Variants in PACRG observed in about 807,000 individuals in gnomAD.
The protein encoded by PACRG is parkin coregulated gene protein.
Under a neutral mutation model 29.7 loss-of-function variants are expected in PACRG, and 29 were observed. The observed-to-expected ratio is 0.98, with a 90% CI of 0.73 to 1.33. The LOEUF (loss-of-function observed/expected upper bound fraction) is 1.33. Among genes scored for constraint, PACRG ranks in the 40% most tolerant of loss-of-function variants. The pLI, the probability that PACRG is intolerant of heterozygous loss-of-function variation, is 0.00. For missense variants in PACRG, 279 were observed against 316.2 expected (o/e 0.88, Z 0.89); for synonymous variants, 116 against 118.7 (o/e 0.98, Z 0.15).
chr6:163,241,467 C>G (rs1489182959), intron 4 of PACRG, among the ~76,000 whole-genome samples: 1 of 152,206 alleles, frequency 6.6e-6, no homozygotes, highest in African/African-American at 2.4e-5. Flanking sequence ...ACCTGGCCCT[C>G]TTGGGAGATG....
In PACRG at chr6:163,063,860, A is replaced by G. The variant is rs554729789; in HGVS notation, c.463+1539A>G. Reference sequence around the variant, plus strand: ...GAAGGCAGGCTCCTTAAAGGCTGTCAGGGAGGGTGTAGCGTCCCGAGCCAC... The same window carrying G: ...GAAGGCAGGCTCCTTAAAGGCTGTCGGGGAGGGTGTAGCGTCCCGAGCCAC... On this transcript the variant is annotated intron_variant, in intron 3 of 4. Coordinates refer to ENST00000366888, the MANE Select transcript of PACRG (RefSeq NM_001080379.2). Among the ~76,000 whole-genome samples the G allele has an allele frequency of 2.8e-4, 42 of 152,296 alleles. 1 individual carries two copies. The South Asian group carries it at 8.1e-3, about 29-fold the overall frequency.
intron 4 of PACRG, among the ~76,000 whole-genome samples, chr6:163,094,957 T>C (rs986222555): frequency 1.3e-5 from 2 of 152,246 alleles, no homozygotes; most frequent in African/African-American, 4.8e-5. Flanking sequence ...GCAATATCCC[T>C]ACTTCTTCCA....
chr6:162,946,313 C>A (rs1799004103), intron 2 of PACRG, among the ~76,000 whole-genome samples: 5 of 151,872 alleles, frequency 3.3e-5, no homozygotes. Flanking sequence ...GGAGACATTA[C>A]AACTGATAAC....
At chr6:163,280,690 C>T (rs754096508) in intron 4 of PACRG, among the ~76,000 whole-genome samples, 18 of 152,172 alleles carry the variant, frequency 1.2e-4, no homozygotes, top group Non-Finnish European at 2.1e-4. Flanking sequence ...CAGGTGACCA[C>T]CTTCTCACTG....
intron 4 of PACRG, among the ~76,000 whole-genome samples, chr6:163,212,525 G>A (rs1204343849): frequency 1.3e-5 from 2 of 152,132 alleles, no homozygotes; most frequent in African/African-American, 4.8e-5. Context: ...ACATGTGCAG[G>A]GGACACAGAT....
At chr6:163,145,684 G>A (rs977616507) in intron 4 of PACRG, among the ~76,000 whole-genome samples, 3 of 152,254 alleles carry the variant, frequency 2.0e-5, no homozygotes, top group African/African-American at 7.2e-5. Flanking sequence ...GAAAGCGTCA[G>A]TACCTGGAGC....
intron 1 of PACRG, among the ~76,000 whole-genome samples, chr6:162,787,430 T>C (rs546576822): frequency 6.6e-5 from 10 of 151,226 alleles, no homozygotes; most frequent in Admixed American, 5.9e-4. Context: ...CATATATATA[T>C]ACACACACAT....
At chr6:162,806,752 G>A (rs985382339) in intron 1 of PACRG, among the ~76,000 whole-genome samples, 3 of 152,132 alleles carry the variant, frequency 2.0e-5, no homozygotes, top group Non-Finnish European at 4.4e-5. Context: ...AACTTTTTAA[G>A]TGCTCAGTGA....
chr6:162,931,974 T>A (rs1250322940), intron 2 of PACRG, among the ~76,000 whole-genome samples: 1 of 151,988 alleles, frequency 6.6e-6, no homozygotes, highest in Non-Finnish European at 1.5e-5. Context: ...GATAAGGGCT[T>A]TATATGTAAA....
At chr6:163,079,381 T>A (rs552372311) in intron 3 of PACRG, among the ~76,000 whole-genome samples, 2 of 151,026 alleles carry the variant, frequency 1.3e-5, no homozygotes, top group African/African-American at 4.9e-5. Flanking sequence ...TAGTGCGTAT[T>A]ACTTGGATAC....
intron 4 of PACRG, chr6:163,190,241 GA>G (rs1227075343): frequency 1.3e-5 from 2 of 152,044 alleles, no homozygotes; most frequent in Admixed American, 6.6e-5. Flanking sequence ...AATACAAATC[GA>G]ATCTTCAATG....
intron 4 of PACRG, among the ~76,000 whole-genome samples, chr6:163,143,390 G>A (rs1187837966): frequency 2.6e-5 from 4 of 152,124 alleles, no homozygotes; most frequent in East Asian, 1.9e-4. Context: ...TATTTCACAC[G>A]TTGTAGTGAG....
At chr6:162,923,669 T>C (rs997905884) in intron 2 of PACRG, among the ~76,000 whole-genome samples, 1 of 152,140 alleles carries the variant, frequency 6.6e-6, no homozygotes, top group East Asian at 1.9e-4. Flanking sequence ...TGATTGTAAA[T>C]ACATGGGTTT....
chr6:162,889,053 C>G (rs1319178475), intron 2 of PACRG, among the ~76,000 whole-genome samples: 3 of 152,074 alleles, frequency 2.0e-5, no homozygotes, highest in Non-Finnish European at 4.4e-5. Context: ...AAAAAATGAG[C>G]ATTATTTTAG....
At chr6:163,220,823 T>A (rs1421314258) in intron 4 of PACRG, among the ~76,000 whole-genome samples, 1 of 152,212 alleles carries the variant, frequency 6.6e-6, no homozygotes, top group East Asian at 1.9e-4. Flanking sequence ...CCAGGAACCA[T>A]CCTAAGAGCT....
rs1385416575 is a variant in PACRG, at chr6:163,008,703, T to C, written c.292-53447T>C. On this transcript the variant is annotated intron_variant, in intron 2 of 4. Transcript: ENST00000366888. ...CACCTCACATGGTAAGAGGACTATG[T>C]ATTCCTTTCCCTTCGTGAAGGCTCT... Among the ~76,000 whole-genome samples the C allele has an allele frequency of 2.7e-5, 4 of 148,986 alleles. No individual in the cohort carries two copies. In the Admixed American group the frequency reaches 2.7e-4, roughly 10 times the overall value.
chr6:162,744,326 G>A (rs192816866), intron 1 of PACRG, among the ~76,000 whole-genome samples: 34 of 152,274 alleles, frequency 2.2e-4, no homozygotes, highest in African/African-American at 7.7e-4. Context: ...GGCTGGGTGT[G>A]GTGGCTCACG....
At chr6:163,139,126 G>A (rs57444816) in intron 4 of PACRG, among the ~76,000 whole-genome samples, 32,579 of 152,260 alleles carry the variant, frequency 0.21, 4,953 homozygotes, top group African/African-American at 0.43. Flanking sequence ...CTGGGCCGAA[G>A]GCAAGCTGCG....
intron 2 of PACRG, among the ~76,000 whole-genome samples, chr6:162,930,301 C>G (rs1220279628): frequency 1.3e-5 from 2 of 151,666 alleles, no homozygotes; most frequent in East Asian, 3.9e-4. Flanking sequence ...TTGTATAGAT[C>G]TTTCACTCCT....
Sources: allele counts gnomAD v4.1 joint callset (sites outside exome capture counted in the v4.1 genomes callset), GRCh38; gene constraint gnomAD v4.1.1; transcripts MANE v1.5; gene names NCBI Gene and HGNC (gene_info 2026-07-23, HGNC 2026-07-21).